LARP1: variants seen among roughly 807,000 people sequenced by gnomAD.
LARP1 encodes la-related protein 1.
LARP1 carries 36 observed loss-of-function variants against 122.7 expected under a neutral mutation model. That is an observed-to-expected ratio of 0.29 (90% CI 0.22 to 0.39). LARP1 has a LOEUF of 0.39. Among genes scored for constraint, LARP1 ranks in the 10% least tolerant of loss-of-function variants. The pLI is 1.00. For missense variants in LARP1, 1,040 were observed against 1,403.6 expected (o/e 0.74, Z 4.14); for synonymous variants, 539 against 528.7 (o/e 1.02, Z -0.27).
chr5:154,764,439 C>CT (rs1754741976), intron 1 of LARP1, among the ~76,000 whole-genome samples: 2 of 150,138 alleles, frequency 1.3e-5, no homozygotes, highest in Admixed American at 6.6e-5. Flanking sequence ...GACCCCATCT[C>CT]TTTAAAAAAA....
intron 1 of LARP1, among the ~76,000 whole-genome samples, chr5:154,779,111 ATTAC>A (rs1430070752): frequency 1.3e-5 from 2 of 152,148 alleles, no homozygotes; most frequent in African/African-American, 2.4e-5. Context: ...TTATGGTACT[ATTAC>A]TTCATTTAAT....
At chr5:154,769,145 T>C (rs76293020) in intron 1 of LARP1, among the ~76,000 whole-genome samples, 10,789 of 152,234 alleles carry the variant, frequency 0.071, 440 homozygotes, top group Middle Eastern at 0.11. Context: ...GGCCAAATTG[T>C]GTACTTTAAA....
chr5:154,789,127 C>T (rs1561605247), intron 1 of LARP1, among the ~76,000 whole-genome samples: 1 of 150,954 alleles, frequency 6.6e-6, no homozygotes, highest in South Asian at 2.1e-4. Context: ...AGGAGAATCA[C>T]TTGAACCCGG....
intron 1 of LARP1, among the ~76,000 whole-genome samples, chr5:154,777,683 A>G (rs1756030112): frequency 6.6e-6 from 1 of 152,220 alleles, no homozygotes; most frequent in East Asian, 1.9e-4. Flanking sequence ...ATTTAAAAAT[A>G]ACAAAGTGTA....
chr5:154,740,049 G>A (rs1232307638), intron 1 of LARP1, among the ~76,000 whole-genome samples: 7 of 136,500 alleles, frequency 5.1e-5, no homozygotes, highest in Non-Finnish European at 7.7e-5. Flanking sequence ...TGCCAAGCCC[G>A]CCCTGGTCCC....
intron 1 of LARP1, among the ~76,000 whole-genome samples, chr5:154,777,901 G>A (rs537542733): frequency 2.0e-5 from 3 of 152,076 alleles, no homozygotes; most frequent in Admixed American, 6.6e-5. Context: ...ATAATCTTAC[G>A]GGACCAACTG....
At chr5:154,796,424 G>A (rs922806910) in intron 8 of LARP1, among the ~76,000 whole-genome samples, 3 of 151,428 alleles carry the variant, frequency 2.0e-5, no homozygotes, top group African/African-American at 7.3e-5. Context: ...TTTCTTTGCC[G>A]TTTATTATTT....
intron 1 of LARP1, among the ~76,000 whole-genome samples, chr5:154,775,446 A>C (rs1394795957): frequency 6.6e-6 from 1 of 151,004 alleles, no homozygotes; most frequent in African/African-American, 2.4e-5. Context: ...GTGAACTGTG[A>C]TCATGCCACT....
At chr5:154,812,291 A>G (rs753320496) in intron 18 of LARP1, among the ~76,000 whole-genome samples, 11 of 152,234 alleles carry the variant, frequency 7.2e-5, no homozygotes, top group Non-Finnish European at 1.3e-4. Flanking sequence ...CAATTAGACT[A>G]GCCCTTAACA....
Position 154,763,519 on chromosome 5 carries a change from C to T in LARP1, c.436+7326C>T, listed in dbSNP as rs144421739. Among the ~76,000 whole-genome samples, 1,175 of 152,010 alleles carry T rather than the reference C, an allele frequency of 7.7e-3. 20 individuals are homozygous for T. The highest frequency in any genetic ancestry group is 0.027 in the African/African-American group (1,107 of 41,464). ...TCTGGCTGGTTGCAGTGGCTCACAC[C>T]TGTAATCCCAGCACTTTGGGAGACC... is the stretch of plus-strand genomic sequence containing the variant. On this transcript the variant is annotated intron_variant, in intron 1 of 18. Coordinates refer to ENST00000518297, the MANE Select transcript of LARP1 (RefSeq NM_033551.3).
intron 1 of LARP1, among the ~76,000 whole-genome samples, chr5:154,768,757 T>C: frequency 6.6e-6 from 1 of 152,124 alleles, no homozygotes; most frequent in African/African-American, 2.4e-5. Flanking sequence ...AATTTTTGTA[T>C]TTTTAGTAGA....
chr5:154,804,504 T>A lies in LARP1; in HGVS notation c.2546+197T>A, dbSNP rs113924452. Among the ~76,000 whole-genome samples, 538 of 152,244 alleles carry A rather than the reference T, an allele frequency of 3.5e-3. 2 individuals are homozygous for A. Among genetic ancestry groups the A allele is most frequent in the African/African-American group, 0.012 (519 of 41,540 alleles). On this transcript the variant is annotated intron_variant, in intron 14 of 18. Coordinates refer to ENST00000518297, the MANE Select transcript of LARP1 (RefSeq NM_033551.3). Reference sequence around the variant, plus strand: ...GTAGGCTTTTTTCCTAAAGAAGTGGTGTGGCAGTCACGTGAGACCAGATTT... The same window carrying A: ...GTAGGCTTTTTTCCTAAAGAAGTGGAGTGGCAGTCACGTGAGACCAGATTT...
At chr5:154,800,894 T>G (rs1435776067) in intron 10 of LARP1, among the ~76,000 whole-genome samples, 2 of 152,208 alleles carry the variant, frequency 1.3e-5, no homozygotes, top group African/African-American at 2.4e-5. Flanking sequence ...CAGTTGTGGC[T>G]TCAGCCCTCA....
intron 16 of LARP1, among the ~76,000 whole-genome samples, chr5:154,810,590 C>G (rs13181922): frequency 2.0e-5 from 3 of 151,942 alleles, no homozygotes; most frequent in Non-Finnish European, 4.4e-5. Context: ...CAGGTTCAAG[C>G]GATTCTTCTG....
upstream of LARP1, among the ~76,000 whole-genome samples, chr5:154,755,341 G>T (rs1228995711): frequency 1.3e-5 from 2 of 150,022 alleles, no homozygotes; most frequent in African/African-American, 2.4e-5. Context: ...CGCGGATCGC[G>T]TGGTCTGCTT....
At chr5:154,755,348 G>A (rs988028204), upstream of LARP1, among the ~76,000 whole-genome samples, 1 of 150,274 alleles carries the variant, frequency 6.7e-6, no homozygotes, top group Non-Finnish European at 1.5e-5. Context: ...CGCGTGGTCT[G>A]CTTGGCTCGC....
At chr5:154,684,334 G>T (rs927243735) in intron 1 of LARP1, among the ~76,000 whole-genome samples, 3 of 152,042 alleles carry the variant, frequency 2.0e-5, no homozygotes, top group African/African-American at 4.8e-5. Context: ...TACTTGGGAG[G>T]CTTAGGCAGG....
chr5:154,795,115 C>T (rs1757642398), intron 7 of LARP1, 60 bp from the exon 8 acceptor site: 1 of 1,518,360 alleles, frequency 6.6e-7, no homozygotes, highest in East Asian at 2.3e-5. Flanking sequence ...ACAAGGAAGG[C>T]ATACTCATAA....
intron 8 of LARP1, among the ~76,000 whole-genome samples, chr5:154,797,058 T>A (rs1757920755): frequency 2.0e-5 from 3 of 152,124 alleles, no homozygotes; most frequent in Non-Finnish European, 4.4e-5. Context: ...TGGCCACTTT[T>A]AAAAGGAATT....
Sources: allele counts gnomAD v4.1 joint callset (sites outside exome capture counted in the v4.1 genomes callset), GRCh38; gene constraint gnomAD v4.1.1; transcripts MANE v1.5; gene names NCBI Gene and HGNC (gene_info 2026-07-23, HGNC 2026-07-21).